PTER: variants seen among roughly 807,000 people sequenced by gnomAD.
PTER encodes the protein N-acetyltaurine hydrolase.
A neutral mutation model predicts 29.6 loss-of-function variants in PTER; 38 were observed. That is an observed-to-expected ratio of 1.28 (90% CI 0.99 to 1.68). The LOEUF (loss-of-function observed/expected upper bound fraction) is 1.68, where lower values mean the gene tolerates loss of function less well. Ranked by LOEUF, PTER falls within the 40% of genes most tolerant of loss-of-function variation. The pLI is 0.00. For synonymous variants in PTER, 172 were observed against 154.5 expected (o/e 1.11, Z -0.84); for missense variants, 482 against 427.8 (o/e 1.13, Z -1.12).
intron 1 of PTER, among the ~76,000 whole-genome samples, chr10:16,445,602 A>C (rs992992186): frequency 1.3e-5 from 2 of 152,104 alleles, no homozygotes; most frequent in Non-Finnish European, 2.9e-5. Context: ...CTCAGGCTGC[A>C]GTGTCTCCAA....
chr10:16,500,308 A>T (rs558445926), intron 3 of PTER, among the ~76,000 whole-genome samples: 1 of 151,396 alleles, frequency 6.6e-6, no homozygotes, highest in African/African-American at 2.4e-5. Context: ...GGAGTGCAGC[A>T]GTGCGACCAT....
At chr10:16,452,525 C>A (rs1176175255) in intron 1 of PTER, among the ~76,000 whole-genome samples, 3 of 152,066 alleles carry the variant, frequency 2.0e-5, no homozygotes, top group Non-Finnish European at 4.4e-5. Context: ...TGGTCTTGAA[C>A]TCCTGACCTC....
At chr10:16,455,438 C>A (rs1162718509) in intron 1 of PTER, among the ~76,000 whole-genome samples, 1 of 152,064 alleles carries the variant, frequency 6.6e-6, no homozygotes, top group Non-Finnish European at 1.5e-5. Flanking sequence ...TGCCTATAAT[C>A]CTAACACTTT....
At chr10:16,459,318 C>T (rs1203850476) in intron 1 of PTER, among the ~76,000 whole-genome samples, 1 of 152,164 alleles carries the variant, frequency 6.6e-6, no homozygotes, top group Non-Finnish European at 1.5e-5. Context: ...GAGAATCATA[C>T]TTGCAAAGGT....
chr10:16,494,180 T>A (rs1160277376), intron 3 of PTER, among the ~76,000 whole-genome samples: 1 of 152,192 alleles, frequency 6.6e-6, no homozygotes, highest in African/African-American at 2.4e-5. Context: ...AGAGTTCGTA[T>A]GGTAAAAAGC....
At chr10:16,475,127 C>A (rs1039932978) in intron 1 of PTER, among the ~76,000 whole-genome samples, 9 of 152,144 alleles carry the variant, frequency 5.9e-5, no homozygotes, top group South Asian at 2.1e-4. Flanking sequence ...AAGGCCCCAC[C>A]TGCTAATACT....
rs549875082 is a variant in PTER at position 16,484,398 on chromosome 10, G to C, written c.14G>C (p.Ser5Thr). Residue 5 changes from serine to threonine, a missense_variant, in exon 2 of 5, where the codon AGT (serine) becomes ACT (threonine). Transcript: ENST00000535784. MSSLSGKVQTVLGLV... is the reference protein window; with the variant it reads MSSLTGKVQTVLGLV... ...GTACCATCAGAAATGTCTTCCTTAAGTGGAAAAGTCCAAACCGTTTTGGGC... is the reference window on the plus strand; with the variant it reads ...GTACCATCAGAAATGTCTTCCTTAACTGGAAAAGTCCAAACCGTTTTGGGC... 24 of 1,584,854 alleles carry C rather than the reference G, an allele frequency of 1.5e-5. No homozygotes were observed. Among genetic ancestry groups the C allele is most frequent in the Non-Finnish European group, 2.0e-5 (24 of 1,170,784 alleles).
At chr10:16,507,537 G>T (rs1204249392) in intron 4 of PTER, among the ~76,000 whole-genome samples, 15 of 152,176 alleles carry the variant, frequency 9.9e-5, no homozygotes, top group Admixed American at 9.8e-4. Context: ...TGAGCCAGTG[G>T]TCATAGTTGG....
chr10:16,448,921 T>C (rs191807239), intron 1 of PTER, among the ~76,000 whole-genome samples: 86 of 152,314 alleles, frequency 5.6e-4, no homozygotes, highest in African/African-American at 2.0e-3. Context: ...CCAGGAGATT[T>C]ATTAATTTTC....
chr10:16,484,399 T>A lies in PTER; in HGVS notation c.15T>A (p.Ser5Arg), dbSNP rs143359689. 30 of 1,585,024 alleles carry A rather than the reference T, an allele frequency of 1.9e-5. No homozygotes were observed. Among genetic ancestry groups the A allele is most frequent in the Admixed American group, 1.2e-4 (6 of 51,108 alleles). Residue 5 changes from serine to arginine, a missense_variant, in exon 2 of 5, where the codon AGT becomes AGA. Coordinates refer to ENST00000535784, the MANE Select transcript of PTER (RefSeq NM_001261836.2). ...TACCATCAGAAATGTCTTCCTTAAG[T>A]GGAAAAGTCCAAACCGTTTTGGGCC... is the stretch of plus-strand genomic sequence containing the variant. The part of the protein sequence containing the change: MSSL[S>R]GKVQTVLGLV...
At chr10:16,504,738 A>G (rs75352934) in intron 3 of PTER, among the ~76,000 whole-genome samples, 3,751 of 152,316 alleles carry the variant, frequency 0.025, 144 homozygotes, top group African/African-American at 0.083. Flanking sequence ...GGAGAATTCC[A>G]AACTTGCTCT....
chr10:16,456,870 G>A (rs1033938022), intron 1 of PTER, among the ~76,000 whole-genome samples: 1 of 149,456 alleles, frequency 6.7e-6, no homozygotes, highest in Non-Finnish European at 1.5e-5. Flanking sequence ...GGTGGGGGGG[G>A]GTTCCGCCAT....
chr10:16,498,844 C>T (rs1836219976), intron 3 of PTER, among the ~76,000 whole-genome samples: 3 of 152,300 alleles, frequency 2.0e-5, no homozygotes, highest in Admixed American at 6.5e-5. Context: ...ACTTCAGTAG[C>T]GCTTTGGCAG....
intron 1 of PTER, among the ~76,000 whole-genome samples, chr10:16,439,313 A>G (rs1833767556): frequency 6.6e-6 from 1 of 152,226 alleles, no homozygotes; most frequent in Non-Finnish European, 1.5e-5. Context: ...AAGGACAGAA[A>G]ATACCTTCAA....
chr10:16,438,469 G>GGTTTT (rs1554784923), intron 1 of PTER, among the ~76,000 whole-genome samples: 11 of 95,050 alleles, frequency 1.2e-4, no homozygotes, highest in African/African-American at 1.8e-4. Flanking sequence ...TCTGTTTTTT[G>GGTTTT]TTTTTTTTTT....
intron 2 of PTER, among the ~76,000 whole-genome samples, chr10:16,485,119 T>A (rs1008093702): frequency 1.3e-5 from 2 of 152,232 alleles, no homozygotes; most frequent in African/African-American, 4.8e-5. Context: ...GTGTATCGTA[T>A]CTGTCCTCAG....
downstream of PTER, among the ~76,000 whole-genome samples, chr10:16,518,671 G>C (rs1588641563): frequency 6.6e-6 from 1 of 152,216 alleles, no homozygotes; most frequent in East Asian, 1.9e-4. Flanking sequence ...GCAATTTCCA[G>C]ATATTTAAAG....
chr10:16,472,262 T>G (rs1835080791), intron 1 of PTER, among the ~76,000 whole-genome samples: 1 of 152,250 alleles, frequency 6.6e-6, no homozygotes, highest in Admixed American at 6.5e-5. Context: ...ATTATTTTTA[T>G]GATTTAGCAT....
chr10:16,498,560 G>A (rs1474560458), intron 3 of PTER, among the ~76,000 whole-genome samples: 3 of 152,206 alleles, frequency 2.0e-5, no homozygotes, highest in Non-Finnish European at 4.4e-5. Context: ...TCCAGCCTGT[G>A]TGACGGAGCG....
Sources: gnomAD v4.1 joint callset for allele counts (sites outside exome capture counted in the v4.1 genomes callset) on GRCh38, gnomAD v4.1.1 for gene constraint, MANE v1.5 for transcripts, NCBI Gene and HGNC (gene_info 2026-07-23, HGNC 2026-07-21) for gene names.